The following CTNS variants were observed in gnomAD, a reference collection of about 807,000 sequenced individuals.
CTNS encodes cystinosin.
In CTNS, 27 loss-of-function variants were observed where a neutral mutation model predicts 43.7. The observed-to-expected ratio is 0.62, with a 90% CI of 0.46 to 0.85. CTNS has a LOEUF of 0.85. CTNS is among the 40% of genes least tolerant of loss of function. The pLI, the probability that CTNS is intolerant of heterozygous loss-of-function variation, is 0.00. For missense variants in CTNS, 457 were observed against 475.4 expected (o/e 0.96, Z 0.36); for synonymous variants, 187 against 190.6 (o/e 0.98, Z 0.16).
In CTNS at chr17:3,640,287, G is replaced by A. The variant is rs760019018; in HGVS notation, c.61+20G>A. The A allele has an allele frequency of 1.5e-5, 24 of 1,609,596 alleles. No homozygotes were observed. The East Asian group carries it at 4.0e-4, about 27-fold the overall frequency. ...AATGTGGTAAGTTTAGAAATGACAC[G>A]TCAACTTTGTAAAGAGGGAAATGGT... On this transcript the variant is annotated intron_variant, in intron 3 of 11. Coordinates refer to ENST00000046640, the MANE Select transcript of CTNS (RefSeq NM_004937.3).
At chr17:3,654,543 G>A (rs189533818) in intron 5 of CTNS, among the ~76,000 whole-genome samples, 11 of 151,918 alleles carry the variant, frequency 7.2e-5, no homozygotes, top group Non-Finnish European at 1.3e-4. Context: ...GCATGGTGGC[G>A]CACACCTGTA....
chr17:3,637,164 C>G lies in CTNS; in HGVS notation c.-172C>G, dbSNP rs1184807300. ...AGAGCGCCGGTTGACGTGCGGAGTGCGGGGCTCCGGGGGACTGAGCAGCAC... is the reference window on the plus strand; with the variant it reads ...AGAGCGCCGGTTGACGTGCGGAGTGGGGGGCTCCGGGGGACTGAGCAGCAC... On this transcript the variant is annotated 5_prime_UTR_variant, in exon 2 of 12. Transcript: ENST00000046640. The G allele has an allele frequency of 6.6e-6, 1 of 152,222 alleles. No homozygotes were observed. Among genetic ancestry groups the G allele is most frequent in the Non-Finnish European group, 1.5e-5 (1 of 68,058 alleles). 9.4% of individuals were successfully genotyped at this position (152,222 alleles called of 1,614,324 possible).
chr17:3,651,245 C>A (rs2075974990), intron 5 of CTNS, among the ~76,000 whole-genome samples: 1 of 152,022 alleles, frequency 6.6e-6, no homozygotes, highest in African/African-American at 2.4e-5. Flanking sequence ...CAGGCACACA[C>A]CACCACACCC....
intron 5 of CTNS, among the ~76,000 whole-genome samples, chr17:3,653,574 G>A (rs980559439): frequency 3.3e-5 from 5 of 151,920 alleles, no homozygotes; most frequent in African/African-American, 1.2e-4. Context: ...ACTGCAGCAG[G>A]ATTTAAGAGT....
Position 3,660,895 on chromosome 17 carries a change from C to A in CTNS, c.*526C>A. The A allele has an allele frequency of 9.4e-7, 1 of 1,059,958 alleles. No individual in the cohort carries two copies. Among genetic ancestry groups the A allele is most frequent in the Non-Finnish European group, 1.4e-6 (1 of 718,374 alleles). The allele number at this position is 1,059,958 out of a possible 1,614,324, so 65.7% of individuals were successfully genotyped here. A position where few individuals can be genotyped will look rare whatever the true frequency, so the allele number is the denominator to read the frequency against. ...CTTTCTCTGAAGGCCACTTTCCTGACGTACTCTCTGTACATAACTCAGCGT... is the reference window on the plus strand; with the variant it reads ...CTTTCTCTGAAGGCCACTTTCCTGAAGTACTCTCTGTACATAACTCAGCGT... On this transcript the variant is annotated 3_prime_UTR_variant, in exon 12 of 12. Coordinates refer to ENST00000046640, the MANE Select transcript of CTNS (RefSeq NM_004937.3).
rs1367353150 is a variant in CTNS, at chr17:3,658,318, C to T, written c.852+143C>T. 7 of 1,167,924 alleles carry T rather than the reference C, an allele frequency of 6.0e-6. No individual in the cohort carries two copies. In the Admixed American group the frequency reaches 8.0e-5, roughly 13 times the overall value. 72.3% of individuals were successfully genotyped at this position (1,167,924 alleles called of 1,614,324 possible). A position where few individuals can be genotyped will look rare whatever the true frequency, so the allele number is the denominator to read the frequency against. ...AGGGAGCCCGGGAGCCCAGCGGGAG[C>T]GGGGCGGTGGGGAGGCCAGCCTGCC... On this transcript the variant is annotated intron_variant, in intron 10 of 11. Transcript: ENST00000046640.
At chr17:3,657,644 C>T in intron 9 of CTNS, 1 of 357,686 alleles carries the variant, frequency 2.8e-6, no homozygotes, top group South Asian at 2.9e-5. Context: ...GGAGAGGCAC[C>T]AGGCCACCAG....
intron 5 of CTNS, 95 bp from the exon 6 acceptor site, chr17:3,654,903 C>T (rs1302848370): frequency 2.2e-6 from 2 of 896,502 alleles, no homozygotes; most frequent in Non-Finnish European, 3.8e-6. Context: ...GGTGGTGCGT[C>T]CCTCCGTTCC....
rs2076283471 is a variant in CTNS at position 3,661,883 on chromosome 17, A to G, written c.*1514A>G. 6.6e-6 allele frequency among the ~76,000 whole-genome samples: 1 copy of G among 152,196 alleles called. No homozygotes were observed. Among genetic ancestry groups the G allele is most frequent in the African/African-American group, 2.4e-5 (1 of 41,452 alleles). ...ACGCTTCCTCTATCTAGTTGTAACA[A>G]ACGTCAAAGAATGTCAGGTCTTGTT... On this transcript the variant is annotated 3_prime_UTR_variant, in exon 12 of 12. Transcript: ENST00000046640.
chr17:3,639,241 C>T (rs1475869849), intron 2 of CTNS, among the ~76,000 whole-genome samples: 1 of 152,136 alleles, frequency 6.6e-6, no homozygotes, highest in East Asian at 1.9e-4. Flanking sequence ...CACTGTTCAC[C>T]TGCTGTGTCT....
chr17:3,638,467 A>C (rs1340722071), intron 2 of CTNS, among the ~76,000 whole-genome samples: 1 of 151,976 alleles, frequency 6.6e-6, no homozygotes, highest in Non-Finnish European at 1.5e-5. Context: ...CGAACTCCTG[A>C]CTTCAAGTGA....
chr17:3,640,834 G>A (rs1349941167), intron 3 of CTNS, among the ~76,000 whole-genome samples: 2 of 152,196 alleles, frequency 1.3e-5, no homozygotes, highest in African/African-American at 4.8e-5. Context: ...AGCCCAGGAA[G>A]TCAAGGCTAC....
chr17:3,659,267 G>A (rs1315025143), intron 10 of CTNS, among the ~76,000 whole-genome samples: 2 of 152,154 alleles, frequency 1.3e-5, no homozygotes, highest in African/African-American at 4.8e-5. Flanking sequence ...GGCACAGGCA[G>A]TCAGACTGGG....
upstream of CTNS, chr17:3,636,610 A>G (rs1012479993): frequency 3.0e-4 from 62 of 204,452 alleles, no homozygotes; most frequent in Middle Eastern, 1.7e-3. Context: ...CCCCGGCCCG[A>G]CCCAGCTGCG....
In CTNS at chr17:3,662,675, T is replaced by C. The variant is rs161397; in HGVS notation, c.*2306T>C. On this transcript the variant is annotated 3_prime_UTR_variant, in exon 12 of 12. Coordinates refer to ENST00000046640, the MANE Select transcript of CTNS (RefSeq NM_004937.3). ...CACGCACCCCAGGGTCCCACCCCAG[T>C]GCTCCCAGACACTCCCACAGATGTG... Among the ~76,000 whole-genome samples, 109,613 of 152,138 alleles carry C rather than the reference T, an allele frequency of 0.72. 42,188 individuals are homozygous for C. The highest frequency in any genetic ancestry group is 0.87 in the Non-Finnish European group (59,066 of 67,976).
rs541330319 is a variant in CTNS, at chr17:3,662,837, A to G, written c.*2468A>G. ...CATTAAAACCACAGCTCTGGCCCCA[A>G]TATCCCACCGCCACCCCCACCCCGA... On this transcript the variant is annotated 3_prime_UTR_variant, in exon 12 of 12. Transcript: ENST00000046640. 4.9e-4 allele frequency: 74 copies of G among 152,176 alleles called. No homozygotes were observed. The highest frequency in any genetic ancestry group is 1.7e-3 in the African/African-American group (71 of 41,494). 9.4% of individuals were successfully genotyped at this position (152,176 alleles called of 1,614,324 possible).
Position 3,656,552 on chromosome 17 carries a change from T to C in CTNS, c.527T>C (p.Phe176Ser). The C allele has an allele frequency of 2.5e-6, 4 of 1,609,922 alleles. No homozygotes were observed. Among genetic ancestry groups the C allele is most frequent in the Non-Finnish European group, 3.4e-6 (4 of 1,179,162 alleles). ...NLTGFVAYSV[F>S]NIGLLWVPYI... Reference sequence around the variant, plus strand: ...ACGGGCTTCGTGGCCTACAGTGTATTCAACATCGGCCTCCTCTGGGTGCCC... The same window carrying C: ...ACGGGCTTCGTGGCCTACAGTGTATCCAACATCGGCCTCCTCTGGGTGCCC... The change falls in exon 8 of 12, where the codon TTC becomes TCC. Residue 176 changes from phenylalanine to serine, a missense_variant. By Grantham distance (155) the Phe-to-Ser change is radical. Coordinates refer to ENST00000046640, the MANE Select transcript of CTNS (RefSeq NM_004937.3).
At chr17:3,658,963 G>A (rs1011001642) in intron 10 of CTNS, among the ~76,000 whole-genome samples, 4 of 143,604 alleles carry the variant, frequency 2.8e-5, no homozygotes, top group African/African-American at 1.0e-4. Flanking sequence ...GTCAGGTCCC[G>A]GGAGCTGGGG....
At chr17:3,640,047 C>CCTCTAGG (rs2075647149) in intron 2 of CTNS, 141 bp from the exon 3 acceptor site, 1 of 730,258 alleles carries the variant, frequency 1.4e-6, no homozygotes. Context: ...CCTCTGAGGC[C>CCTCTAGG]GTGATGCAAA....
Sources: allele counts gnomAD v4.1 joint callset (sites outside exome capture counted in the v4.1 genomes callset), GRCh38; gene constraint gnomAD v4.1.1; transcripts MANE v1.5; gene names NCBI Gene and HGNC (gene_info 2026-07-23, HGNC 2026-07-21).